Variants in BARD1 observed in about 807,000 individuals in gnomAD.
The protein encoded by BARD1 is BRCA1 associated RING domain 1.
Under a neutral mutation model 77.0 loss-of-function variants are expected in BARD1, and 73 were observed. The observed-to-expected ratio is 0.95, with a 90% CI of 0.79 to 1.15. BARD1 has a LOEUF of 1.15. Among genes scored for constraint, BARD1 ranks in the 50% most tolerant of loss-of-function variants. The pLI is 0.00. For synonymous variants in BARD1, 384 were observed against 338.0 expected, an observed-to-expected ratio of 1.14 and a Z score of -1.49; for missense variants, 993 against 938.8, an observed-to-expected ratio of 1.06 and a Z score of -0.75.
intron 6 of BARD1, among the ~76,000 whole-genome samples, chr2:214,767,246 TG>T (rs1211216316): frequency 6.6e-6 from 1 of 152,232 alleles, no homozygotes; most frequent in Admixed American, 6.5e-5. Context: ...CAATTATTTT[TG>T]ATCTGCAGTT....
chr2:214,751,027 T>G (rs1183234134), intron 7 of BARD1, among the ~76,000 whole-genome samples: 1 of 149,486 alleles, frequency 6.7e-6, no homozygotes, highest in Non-Finnish European at 1.5e-5. Flanking sequence ...TATTAGACAC[T>G]CTGCTAAAAT....
intron 4 of BARD1, among the ~76,000 whole-genome samples, chr2:214,769,618 G>A (rs1694383102): frequency 6.6e-6 from 1 of 152,124 alleles, no homozygotes; most frequent in Non-Finnish European, 1.5e-5. Flanking sequence ...GTGCCAGCCT[G>A]TAATCCCAGC....
At chr2:214,809,256 T>G (rs1334130099) in intron 1 of BARD1, among the ~76,000 whole-genome samples, 156 bp downstream of exon 1, 1 of 152,162 alleles carries the variant, frequency 6.6e-6, no homozygotes, top group Non-Finnish European at 1.5e-5. Flanking sequence ...GCAGAAGTTG[T>G]TAATACTATA....
chr2:214,786,914 T>C (rs1695299583), intron 3 of BARD1, among the ~76,000 whole-genome samples: 1 of 151,980 alleles, frequency 6.6e-6, no homozygotes, highest in Admixed American at 6.6e-5. Context: ...TTCTTTGCAG[T>C]GGTAAGTAGA....
chr2:214,735,619 T>C (rs1167123651), intron 9 of BARD1, among the ~76,000 whole-genome samples: 1 of 152,164 alleles, frequency 6.6e-6, no homozygotes, highest in Admixed American at 6.5e-5. Context: ...AGTGGCAGAA[T>C]GGGAATTTGA....
chr2:214,761,432 C>T (rs926276005), intron 6 of BARD1, among the ~76,000 whole-genome samples: 2 of 152,072 alleles, frequency 1.3e-5, no homozygotes, highest in Non-Finnish European at 2.9e-5. Context: ...AAAACCCTAG[C>T]AAATTCATGT....
Position 214,809,467 on chromosome 2 carries a change from C to T in BARD1, c.103G>A (p.Ala35Thr), listed in dbSNP as rs587782865. The T allele has an allele frequency of 6.2e-7, 1 of 1,610,840 alleles. No individual in the cohort carries two copies. The stretch of plus-strand genomic sequence containing the variant: ...CGGTCGAGCGCGGCGCGACTGTGGG[C>T]CCAGGCACCGCGACCATCCGGTTCC... The part of the protein sequence containing the change: ...AMEPDGRGAW[A>T]HSRAALDRLE... Residue 35 changes from alanine to threonine, a missense_variant, in exon 1 of 11, where the codon GCC becomes ACC. Ala to Thr is a moderately conservative substitution (Grantham distance 58). Coordinates refer to ENST00000260947, the MANE Select transcript of BARD1 (RefSeq NM_000465.4).
chr2:214,798,694 A>T (rs1198132206), intron 1 of BARD1, among the ~76,000 whole-genome samples: 2 of 151,378 alleles, frequency 1.3e-5, no homozygotes, highest in Admixed American at 1.3e-4. Flanking sequence ...CATGGATGCC[A>T]ATCTATAATG....
In BARD1 at chr2:214,780,605, T is replaced by C. The variant is rs775490960; in HGVS notation, c.1269A>G (p.Lys423=). ...GCAAAGTCTCTCCTCTATGATTTCT[T>C]TTCACAGCCATATTGGGCAACAGCT... ...AMKLLPNMAV[K]RNHRGETLLH... is the part of the protein sequence containing the mutation. The change falls in exon 4 of 11, where the codon AAA becomes AAG. Residue 423 remains lysine (K), a synonymous_variant. Transcript: ENST00000260947. 1.2e-6 allele frequency: 2 copies of C among 1,614,084 alleles called. No individual in the cohort carries two copies. Among genetic ancestry groups the C allele is most frequent in the African/African-American group, 1.3e-5 (1 of 75,060 alleles).
intron 2 of BARD1, among the ~76,000 whole-genome samples, chr2:214,794,305 G>C (rs547361077): frequency 2.6e-5 from 4 of 152,176 alleles, no homozygotes; most frequent in African/African-American, 9.6e-5. Context: ...TAGTATTAAA[G>C]AAGAATAGCC....
At chr2:214,809,264 A>T in intron 1 of BARD1, 148 bp downstream of exon 1, 1 of 1,100,178 alleles carries the variant, frequency 9.1e-7, no homozygotes, top group Non-Finnish European at 1.3e-6. Context: ...TGTTAATACT[A>T]TATCCCCCGG....
At chr2:214,785,707 C>T (rs1419605267) in intron 3 of BARD1, among the ~76,000 whole-genome samples, 3 of 150,078 alleles carry the variant, frequency 2.0e-5, no homozygotes. Context: ...AAGGTAATTT[C>T]AGGCCCAGAA....
chr2:214,801,853 G>GC lies in BARD1; in HGVS notation c.159-4737_159-4736insG, dbSNP rs976520220. ...TGTTGAAAACCAAATATTTGGCGGG[G>GC]GGGGGGGTTGTTTTTGTTTTTTTTA... On this transcript the variant is annotated intron_variant, in intron 1 of 10. Transcript: ENST00000260947. 1.5e-3 allele frequency among the ~76,000 whole-genome samples: 221 copies of GC among 149,436 alleles called. 5 individuals carry two copies. The highest frequency in any genetic ancestry group is 3.8e-3 in the African/African-American group (154 of 41,052).
chr2:214,754,403 A>G (rs1170051587), intron 6 of BARD1, among the ~76,000 whole-genome samples: 1 of 151,630 alleles, frequency 6.6e-6, no homozygotes, highest in Non-Finnish European at 1.5e-5. Flanking sequence ...ACAGAGACAA[A>G]CATAGACCTT....
rs370645526 is a variant in BARD1, at chr2:214,728,015, A to G, written c.*661T>C. ...AATGTACAGAATAAAAATATGTACC[A>G]TGAGCCTAGTGTTGATTTTTACCAC... is the stretch of plus-strand genomic sequence containing the variant. On this transcript the variant is annotated 3_prime_UTR_variant, in exon 11 of 11. Coordinates refer to ENST00000260947, the MANE Select transcript of BARD1 (RefSeq NM_000465.4). The G allele has an allele frequency of 1.4e-5, 3 of 221,860 alleles. No homozygotes were observed. The highest frequency in any genetic ancestry group is 3.7e-4 in the South Asian group (2 of 5,424). The allele number at this position is 221,860 out of a possible 1,614,324, so 13.7% of individuals were successfully genotyped here. A position where few individuals can be genotyped will look rare whatever the true frequency, so the allele number is the denominator to read the frequency against.
chr2:214,778,190 T>C (rs1246885258), intron 4 of BARD1, among the ~76,000 whole-genome samples: 1 of 150,774 alleles, frequency 6.6e-6, no homozygotes, highest in Non-Finnish European at 1.5e-5. Flanking sequence ...GGCAAGACTC[T>C]GTCCCCCGCC....
rs1692224981 is a variant in BARD1, at chr2:214,728,947, T to A, written c.2063A>T (p.Lys688Met). The change falls in exon 11 of 11, where the codon AAG becomes ATG. Residue 688 changes from lysine (K) to methionine (M), a missense_variant. Coordinates refer to ENST00000260947, the MANE Select transcript of BARD1 (RefSeq NM_000465.4). Reference protein sequence around the residue: ...YLWGTFKHHPKDNLIKLVTAG... With the variant: ...YLWGTFKHHPMDNLIKLVTAG... Reference sequence around the variant, plus strand: ...AGTGACGAGCTTAATAAGGTTGTCCTTTGGATGGTGTTTGAAGGTTCCCCA... The same window carrying A: ...AGTGACGAGCTTAATAAGGTTGTCCATTGGATGGTGTTTGAAGGTTCCCCA... 1 of 1,614,086 alleles carries A rather than the reference T, an allele frequency of 6.2e-7. No individual in the cohort carries two copies.
chr2:214,804,730 C>T (rs1028838937), intron 1 of BARD1, among the ~76,000 whole-genome samples: 2 of 152,210 alleles, frequency 1.3e-5, no homozygotes, highest in African/African-American at 4.8e-5. Flanking sequence ...TGTTAGGCTA[C>T]TATCACTGAT....
intron 1 of BARD1, among the ~76,000 whole-genome samples, chr2:214,802,447 C>T (rs1238559989): frequency 6.6e-6 from 1 of 152,170 alleles, no homozygotes; most frequent in Non-Finnish European, 1.5e-5. Context: ...TTTAAACTTA[C>T]TATGGGTTGA....
Sources: allele counts gnomAD v4.1 joint callset (sites outside exome capture counted in the v4.1 genomes callset), GRCh38; gene constraint gnomAD v4.1.1; transcripts MANE v1.5; gene names NCBI Gene and HGNC (gene_info 2026-07-23, HGNC 2026-07-21).